The following PDK1 variants were observed in gnomAD, a reference collection of about 807,000 sequenced individuals.
PDK1 encodes the protein pyruvate dehydrogenase kinase 1, also known as [Pyruvate dehydrogenase (acetyl-transferring)] kinase isozyme 1, mitochondrial.
In PDK1, 39 loss-of-function variants were observed where a neutral mutation model predicts 54.2. The ratio of observed to expected loss-of-function variants is 0.72; its 90% CI spans 0.56 to 0.94. The LOEUF (loss-of-function observed/expected upper bound fraction) is 0.94. Ranked by LOEUF, PDK1 falls within the 40% of genes least tolerant of loss-of-function variation. The probability of loss-of-function intolerance (pLI) is 0.00; values close to 1 mark genes in which losing one functional copy is unlikely to be tolerated. For synonymous variants in PDK1, 221 were observed against 207.1 expected (o/e 1.07, Z -0.58); for missense variants, 552 against 566.0 (o/e 0.98, Z 0.25).
At chr2:172,581,843 T>C (rs1314133013) in intron 8 of PDK1, among the ~76,000 whole-genome samples, 2 of 152,214 alleles carry the variant, frequency 1.3e-5, no homozygotes, top group African/African-American at 4.8e-5. Context: ...CCCTAGCTGC[T>C]CTTTCAATTC....
the PDK1 span, among the ~76,000 whole-genome samples, chr2:172,654,270 C>T: frequency 6.6e-6 from 1 of 152,138 alleles, no homozygotes; most frequent in Non-Finnish European, 1.5e-5. Flanking sequence ...CTTTACTGGG[C>T]ATATACCCAA....
chr2:172,592,869 T>C, intron 9 of PDK1, 66 bp from the exon 10 acceptor site: 1 of 844,746 alleles, frequency 1.2e-6, no homozygotes, highest in Non-Finnish European at 2.0e-6. Flanking sequence ...ATGGCATCTA[T>C]CTTAATTAGA....
At chr2:172,675,334 C>T in the PDK1 span, among the ~76,000 whole-genome samples, 2 of 152,154 alleles carry the variant, frequency 1.3e-5, no homozygotes, top group East Asian at 3.8e-4. Context: ...ATGTTGGAAG[C>T]CAAGATTGGC....
In PDK1 at chr2:172,603,946, A is replaced by G. The variant is rs1004506370; in HGVS notation, c.*7977A>G. ...GGCTGGTAAGATCGATGCTTCTGTCACTACTGATGGGCAAGGATATTAACA... is the reference window on the plus strand; with the variant it reads ...GGCTGGTAAGATCGATGCTTCTGTCGCTACTGATGGGCAAGGATATTAACA... On this transcript the variant is annotated 3_prime_UTR_variant, in exon 11 of 11. Transcript: ENST00000282077. The G allele has an allele frequency of 6.6e-6, 1 of 152,234 alleles. No homozygotes were observed. The highest frequency in any genetic ancestry group is 1.5e-5 in the Non-Finnish European group (1 of 68,042). 9.4% of individuals were successfully genotyped at this position (152,234 alleles called of 1,614,324 possible).
Position 172,605,138 on chromosome 2 carries a change from AC to A in PDK1, c.*9173del, listed in dbSNP as rs1450676161. ...CCTATATTACTCTCCTTGGCATCTT[AC>A]CCCAGCCCATCCATTGGGTTGTGTC... On this transcript the variant is annotated 3_prime_UTR_variant, in exon 11 of 11. Coordinates refer to ENST00000282077, the MANE Select transcript of PDK1 (RefSeq NM_002610.5). 2 of 152,180 alleles carry A rather than the reference AC, an allele frequency of 1.3e-5. No individual in the cohort carries two copies. Among genetic ancestry groups the A allele is most frequent in the Admixed American group, 1.3e-4 (2 of 15,268 alleles). 9.4% of individuals were successfully genotyped at this position (152,180 alleles called of 1,614,324 possible).
chr2:172,559,814 G>T (rs1688559358), intron 2 of PDK1, among the ~76,000 whole-genome samples: 1 of 152,196 alleles, frequency 6.6e-6, no homozygotes, highest in African/African-American at 2.4e-5. Flanking sequence ...TTCCCAAAGT[G>T]CTGGGATTAC....
chr2:172,576,536 G>C (rs1301628497), intron 8 of PDK1, among the ~76,000 whole-genome samples: 1 of 151,106 alleles, frequency 6.6e-6, no homozygotes, highest in Non-Finnish European at 1.5e-5. Flanking sequence ...CCTTCTGCTT[G>C]CTGTGGTGTT....
intron 8 of PDK1, among the ~76,000 whole-genome samples, chr2:172,573,655 C>T (rs184763985): frequency 1.4e-5 from 2 of 144,260 alleles, no homozygotes; most frequent in East Asian, 4.1e-4. Context: ...TATATACACT[C>T]TCTCTAGATA....
the PDK1 span, among the ~76,000 whole-genome samples, chr2:172,673,017 T>G: frequency 2.6e-5 from 4 of 152,158 alleles, no homozygotes; most frequent in South Asian, 2.1e-4. Flanking sequence ...AAGGAGAGAC[T>G]GAGGCAAGTT....
At chr2:172,609,138 A>T (rs191794114), downstream of PDK1, among the ~76,000 whole-genome samples, 26 of 152,352 alleles carry the variant, frequency 1.7e-4, no homozygotes, top group African/African-American at 6.3e-4. Flanking sequence ...AGCAGATAGC[A>T]GCACTTGATT....
the PDK1 span, among the ~76,000 whole-genome samples, chr2:172,663,472 G>T: frequency 1.3e-5 from 2 of 152,200 alleles, no homozygotes; most frequent in South Asian, 2.1e-4. Context: ...GGAGACCAAA[G>T]TAATGAATTT....
At chr2:172,721,008 T>G in the PDK1 span, among the ~76,000 whole-genome samples, 1 of 152,182 alleles carries the variant, frequency 6.6e-6, no homozygotes, top group Non-Finnish European at 1.5e-5. Context: ...CTTCTCTGTC[T>G]GTGGCTCCCA....
the PDK1 span, among the ~76,000 whole-genome samples, chr2:172,644,830 A>G: frequency 1.3e-5 from 2 of 152,170 alleles, no homozygotes; most frequent in Admixed American, 6.5e-5. Context: ...GTCAGTCAGT[A>G]TAATACTAGC....
the PDK1 span, among the ~76,000 whole-genome samples, chr2:172,657,580 A>T: frequency 6.6e-6 from 1 of 152,066 alleles, no homozygotes; most frequent in South Asian, 2.1e-4. Flanking sequence ...TAAAAGCATG[A>T]TACCCCAAAA....
chr2:172,592,889 C>A, intron 9 of PDK1, 46 bp from the exon 10 acceptor site: 1 of 1,010,050 alleles, frequency 9.9e-7, no homozygotes, highest in South Asian at 1.3e-5. Flanking sequence ...AAAAGTATTT[C>A]AGTGTGTGTC....
the PDK1 span, among the ~76,000 whole-genome samples, chr2:172,651,779 A>G: frequency 6.6e-6 from 1 of 152,212 alleles, no homozygotes; most frequent in African/African-American, 2.4e-5. Flanking sequence ...AAGAAGTTGA[A>G]TCTCTGAATA....
At chr2:172,569,549 A>G (rs905989720) in intron 7 of PDK1, among the ~76,000 whole-genome samples, 21 of 152,294 alleles carry the variant, frequency 1.4e-4, no homozygotes, top group African/African-American at 5.1e-4. Context: ...ATCAGCCAGC[A>G]GCAAACTAGA....
intron 1 of PDK1, 78 bp downstream of exon 1, chr2:172,556,424 G>A: frequency 8.9e-7 from 1 of 1,121,056 alleles, no homozygotes; most frequent in African/African-American, 1.6e-5. Context: ...AGGCCGGGTC[G>A]GCGCCGGCCA....
At chr2:172,697,536 G>A in the PDK1 span, among the ~76,000 whole-genome samples, 1 of 152,136 alleles carries the variant, frequency 6.6e-6, no homozygotes, top group South Asian at 2.1e-4. Flanking sequence ...CACGTGCTGA[G>A]CAGTGATGCT....
Sources: allele counts gnomAD v4.1 joint callset (sites outside exome capture counted in the v4.1 genomes callset), GRCh38; gene constraint gnomAD v4.1.1; transcripts MANE v1.5; gene names NCBI Gene and HGNC (gene_info 2026-07-23, HGNC 2026-07-21).